The following AGTPBP1 variants were observed in gnomAD, a reference collection of about 807,000 sequenced individuals.
The protein encoded by AGTPBP1 is ATP/GTP binding carboxypeptidase 1, also known as cytosolic carboxypeptidase 1.
AGTPBP1 carries 70 observed loss-of-function variants against 143.9 expected under a neutral mutation model. The ratio of observed to expected loss-of-function variants is 0.49; its 90% CI spans 0.40 to 0.59. The LOEUF (loss-of-function observed/expected upper bound fraction) is 0.59. Ranked by LOEUF, AGTPBP1 falls within the 20% of genes least tolerant of loss-of-function variation. The probability of loss-of-function intolerance (pLI) is 0.00; values close to 1 mark genes in which losing one functional copy is unlikely to be tolerated. For synonymous variants in AGTPBP1, 463 were observed against 500.2 expected (o/e 0.93, Z 0.99); for missense variants, 1,229 against 1,464.5 (o/e 0.84, Z 2.62).
intron 14 of AGTPBP1, among the ~76,000 whole-genome samples, chr9:85,624,629 C>T (rs1831159377): frequency 6.6e-6 from 1 of 152,160 alleles, no homozygotes; most frequent in Non-Finnish European, 1.5e-5. Flanking sequence ...TATAAGAAAT[C>T]CAGAGTTTTG....
intron 1 of AGTPBP1, among the ~76,000 whole-genome samples, chr9:85,718,081 A>G (rs1346192180): frequency 6.6e-6 from 1 of 152,176 alleles, no homozygotes; most frequent in African/African-American, 2.4e-5. Flanking sequence ...TCTATCACTG[A>G]TAGACATATG....
chr9:85,755,441 T>G, the AGTPBP1 span, among the ~76,000 whole-genome samples: 2 of 152,184 alleles, frequency 1.3e-5, no homozygotes, highest in Admixed American at 6.6e-5. Flanking sequence ...TTATTTTTGT[T>G]TTTTTCTTTT....
intron 25 of AGTPBP1, among the ~76,000 whole-genome samples, chr9:85,569,746 A>G (rs1471296375): frequency 2.6e-5 from 4 of 152,234 alleles, no homozygotes; most frequent in Admixed American, 2.0e-4. Flanking sequence ...CTCTCCTCAG[A>G]GTACCACATT....
chr9:85,715,005 G>A lies in AGTPBP1; in HGVS notation c.-33-2439C>T, dbSNP rs541670775. On this transcript the variant is annotated intron_variant, in intron 1 of 25. Coordinates refer to ENST00000357081, the MANE Select transcript of AGTPBP1 (RefSeq NM_001330701.2). The stretch of plus-strand genomic sequence containing the variant: ...CTCACACCTGTAATCCCAGCACTTC[G>A]GGAGGCCAAGGCGGGCGGATGACCC... 8.5e-5 allele frequency among the ~76,000 whole-genome samples: 13 copies of A among 152,108 alleles called. No individual in the cohort carries two copies. The East Asian group carries it at 1.9e-3, about 23-fold the overall frequency.
In AGTPBP1 at chr9:85,678,484, C is replaced by A. The variant is rs1834972390; in HGVS notation, c.226-86G>T. ...TCCACTGGGAACTACCTATATTTTA[C>A]AAATGACCTTTCCAATTTCTCTAGG... On this transcript the variant is annotated intron_variant, in intron 4 of 25. Coordinates refer to ENST00000357081, the MANE Select transcript of AGTPBP1 (RefSeq NM_001330701.2). The A allele has an allele frequency of 6.6e-6, 5 of 761,340 alleles. No homozygotes were observed. In the Admixed American group the frequency reaches 9.5e-5, roughly 15 times the overall value. 47.2% of individuals were successfully genotyped at this position (761,340 alleles called of 1,614,324 possible). A position where few individuals can be genotyped will look rare whatever the true frequency, so the allele number is the denominator to read the frequency against.
chr9:85,757,669 G>A, the AGTPBP1 span, among the ~76,000 whole-genome samples: 1 of 151,732 alleles, frequency 6.6e-6, no homozygotes, highest in East Asian at 1.9e-4. Context: ...AATGTGATGG[G>A]CATTTTAGGA....
intron 14 of AGTPBP1, among the ~76,000 whole-genome samples, chr9:85,629,443 A>G (rs915136581): frequency 6.6e-6 from 1 of 152,214 alleles, no homozygotes; most frequent in Non-Finnish European, 1.5e-5. Context: ...CTCCATCATC[A>G]GGATAGGCTC....
intron 17 of AGTPBP1, among the ~76,000 whole-genome samples, chr9:85,600,608 T>C (rs577775516): frequency 6.6e-6 from 1 of 152,062 alleles, no homozygotes; most frequent in African/African-American, 2.4e-5. Flanking sequence ...AGATTCTCAG[T>C]GGTCCACATC....
chr9:85,679,570 A>G (rs1467238430), intron 4 of AGTPBP1, among the ~76,000 whole-genome samples: 1 of 151,672 alleles, frequency 6.6e-6, no homozygotes, highest in Non-Finnish European at 1.5e-5. Context: ...ACCACATCCA[A>G]CTAATTTTTT....
upstream of AGTPBP1, chr9:85,742,019 A>C (rs1018053663): frequency 8.3e-7 from 1 of 1,201,424 alleles, no homozygotes; most frequent in Non-Finnish European, 1.0e-6. Flanking sequence ...GCCGGCTCCC[A>C]GCACGCGCAG....
chr9:85,661,155 G>A (rs1456227219), intron 8 of AGTPBP1, among the ~76,000 whole-genome samples, 182 bp from the exon 9 acceptor site: 1 of 151,676 alleles, frequency 6.6e-6, no homozygotes, highest in Non-Finnish European at 1.5e-5. Flanking sequence ...GCTTAAAATT[G>A]GATATGAAAA....
Position 85,678,324 on chromosome 9 carries a change from C to A in AGTPBP1, c.289+11G>T. On this transcript the variant is annotated intron_variant, in intron 5 of 25. Transcript: ENST00000357081. ...AGAAACAGAAATTAGACCAAAGAAA[C>A]AAAAACTTACCAGCTGACACCAGCT... The A allele has an allele frequency of 6.3e-7, 1 of 1,581,218 alleles. No individual in the cohort carries two copies. Among genetic ancestry groups the A allele is most frequent in the Admixed American group, 1.7e-5 (1 of 57,202 alleles).
intron 3 of AGTPBP1, among the ~76,000 whole-genome samples, chr9:85,685,516 C>T (rs914198110): frequency 7.2e-5 from 11 of 151,758 alleles, no homozygotes; most frequent in African/African-American, 2.7e-4. Flanking sequence ...ATGAAACTGC[C>T]AAACCAGAAT....
chr9:85,662,891 T>C (rs947144404), intron 8 of AGTPBP1, among the ~76,000 whole-genome samples: 1 of 152,106 alleles, frequency 6.6e-6, no homozygotes, highest in Non-Finnish European at 1.5e-5. Context: ...ATTTTTTAAA[T>C]GGACAAAATG....
At chr9:85,563,819 G>A (rs1448645173) in intron 25 of AGTPBP1, among the ~76,000 whole-genome samples, 1 of 152,236 alleles carries the variant, frequency 6.6e-6, no homozygotes, top group East Asian at 1.9e-4. Flanking sequence ...ACCTGTGCCT[G>A]CAGGTTCACA....
intron 1 of AGTPBP1, among the ~76,000 whole-genome samples, chr9:85,722,698 T>C (rs1210343417): frequency 6.6e-6 from 1 of 152,154 alleles, no homozygotes; most frequent in Non-Finnish European, 1.5e-5. Context: ...TCATTCTCCA[T>C]CCAGTTTTGT....
chr9:85,646,384 A>G lies in AGTPBP1; in HGVS notation c.1122T>C (p.Asp374=). The G allele has an allele frequency of 6.2e-7, 1 of 1,613,112 alleles. No individual in the cohort carries two copies. Among genetic ancestry groups the G allele is most frequent in the African/African-American group, 1.3e-5 (1 of 75,008 alleles). Residue 374 remains aspartate, a synonymous_variant, in exon 12 of 26, where the codon GAT becomes GAC. Coordinates refer to ENST00000357081, the MANE Select transcript of AGTPBP1 (RefSeq NM_001330701.2). The part of the protein sequence containing the change: ...DDVVDESDDN[D]DIDVEAENET... ...CGTTTTCAGCTTCTACATCAATATC[A>G]TCGTTGTCATCACTTTCATCTACTA...
chr9:85,589,040 G>A (rs188601158), intron 20 of AGTPBP1, among the ~76,000 whole-genome samples: 89 of 151,830 alleles, frequency 5.9e-4, no homozygotes, highest in African/African-American at 1.9e-3. Flanking sequence ...GAAATACTTC[G>A]CCTTCTTATC....
intron 25 of AGTPBP1, among the ~76,000 whole-genome samples, chr9:85,550,117 T>A (rs578057519): frequency 6.6e-6 from 1 of 152,034 alleles, no homozygotes; most frequent in African/African-American, 2.4e-5. Flanking sequence ...TCAGGCTGAG[T>A]GTGCAAAGAG....
Sources: gnomAD v4.1 joint callset for allele counts (sites outside exome capture counted in the v4.1 genomes callset) on GRCh38, gnomAD v4.1.1 for gene constraint, MANE v1.5 for transcripts, NCBI Gene and HGNC (gene_info 2026-07-23, HGNC 2026-07-21) for gene names.